LRPPRC: variants seen among roughly 807,000 people sequenced by gnomAD.
LRPPRC encodes leucine rich pentatricopeptide repeat containing.
LRPPRC carries 120 observed loss-of-function variants against 180.3 expected under a neutral mutation model. That is an observed-to-expected ratio of 0.67 (90% CI 0.57 to 0.77). The LOEUF (loss-of-function observed/expected upper bound fraction) is 0.77. Ranked by LOEUF, LRPPRC falls within the 30% of genes least tolerant of loss-of-function variation. The pLI is 0.00. For synonymous variants in LRPPRC, 723 were observed against 600.0 expected (o/e 1.21, Z -3.00); for missense variants, 2,012 against 1,657.2 (o/e 1.21, Z -3.72).
In LRPPRC at chr2:43,886,864, G is replaced by C. The variant is rs528164545; in HGVS notation, c.*1736C>G. 6.6e-6 allele frequency: 1 copy of C among 152,342 alleles called. No individual in the cohort carries two copies. The highest frequency in any genetic ancestry group is 1.9e-4 in the East Asian group (1 of 5,188). 9.4% of individuals were successfully genotyped at this position (152,342 alleles called of 1,614,324 possible). ...AAGACAGGAGTGAGGCTCTTGGCCA[G>C]GCGTGGTGGCTCACACCTGTAATCC... On this transcript the variant is annotated 3_prime_UTR_variant, in exon 38 of 38. Coordinates refer to ENST00000260665, the MANE Select transcript of LRPPRC (RefSeq NM_133259.4).
At chr2:43,948,240 A>G in intron 17 of LRPPRC, 41 bp from the exon 18 acceptor site, 1 of 1,133,806 alleles carries the variant, frequency 8.8e-7, no homozygotes, top group Non-Finnish European at 1.3e-6. Flanking sequence ...CCTGAGTTTT[A>G]GACAACCAAA....
intron 1 of LRPPRC, among the ~76,000 whole-genome samples, chr2:43,989,201 CCTCT>C (rs1674664903): frequency 6.6e-6 from 1 of 152,176 alleles, no homozygotes; most frequent in South Asian, 2.1e-4. Flanking sequence ...GAACTTTCTC[CCTCT>C]AAGAACTGAA....
chr2:43,956,303 A>T (rs1160503755), intron 14 of LRPPRC, among the ~76,000 whole-genome samples: 1 of 152,222 alleles, frequency 6.6e-6, no homozygotes, highest in Non-Finnish European at 1.5e-5. Context: ...TTAAAGTGGG[A>T]AAATCTGAAC....
intron 13 of LRPPRC, among the ~76,000 whole-genome samples, chr2:43,957,929 A>C (rs1265698312): frequency 6.6e-6 from 1 of 152,232 alleles, no homozygotes; most frequent in Non-Finnish European, 1.5e-5. Flanking sequence ...ACTATGATCA[A>C]TGACCTGCAC....
At chr2:43,897,178 C>T (rs1254540010) in intron 34 of LRPPRC, among the ~76,000 whole-genome samples, 5 of 152,134 alleles carry the variant, frequency 3.3e-5, no homozygotes, top group African/African-American at 9.7e-5. Flanking sequence ...TAATTACCTA[C>T]ACTTATGCAT....
At chr2:43,900,148 A>G (rs1048754684) in intron 32 of LRPPRC, among the ~76,000 whole-genome samples, 8 of 152,130 alleles carry the variant, frequency 5.3e-5, no homozygotes, top group African/African-American at 1.7e-4. Context: ...TTTGTCAGGT[A>G]TTATACATTT....
chr2:43,979,083 T>C (rs1012500940), intron 3 of LRPPRC, among the ~76,000 whole-genome samples: 1 of 152,138 alleles, frequency 6.6e-6, no homozygotes, highest in East Asian at 1.9e-4. Flanking sequence ...AAATCAGGAA[T>C]GAACATTAAA....
intron 1 of LRPPRC, among the ~76,000 whole-genome samples, chr2:43,993,728 T>A (rs1316828387): frequency 8.2e-6 from 1 of 122,218 alleles, no homozygotes; most frequent in Non-Finnish European, 1.8e-5. Flanking sequence ...ATAGCTTACC[T>A]TCTACTAAAG....
chr2:43,934,808 G>A lies in LRPPRC; in HGVS notation c.2575C>T (p.His859Tyr), dbSNP rs1173243443. ...YEKYKVLPRI[H>Y]DVLCKLVEKG... ...TCTACCAGTTTACACAAGACATCAT[G>A]AATCCTTGGTAATACTTTATACTTT... The change falls in exon 24 of 38, where the codon CAT becomes TAT. Residue 859 changes from histidine to tyrosine, a missense_variant. Coordinates refer to ENST00000260665, the MANE Select transcript of LRPPRC (RefSeq NM_133259.4). 1 of 1,610,458 alleles carries A rather than the reference G, an allele frequency of 6.2e-7. No individual in the cohort carries two copies. Among genetic ancestry groups the A allele is most frequent in the Non-Finnish European group, 8.5e-7 (1 of 1,176,778 alleles).
chr2:43,936,380 T>C (rs1319907539), intron 23 of LRPPRC, among the ~76,000 whole-genome samples: 1 of 152,078 alleles, frequency 6.6e-6, no homozygotes, highest in Non-Finnish European at 1.5e-5. Flanking sequence ...GAAAAGAGAG[T>C]ATGAAAGGTA....
chr2:43,963,369 A>G, intron 12 of LRPPRC: 1 of 609,130 alleles, frequency 1.6e-6, no homozygotes, highest in Non-Finnish European at 2.9e-6. Context: ...GCTTGAACCC[A>G]GGAGGCAAAG....
chr2:43,921,197 C>T (rs924270725), intron 27 of LRPPRC, among the ~76,000 whole-genome samples: 4 of 152,138 alleles, frequency 2.6e-5, no homozygotes, highest in South Asian at 4.1e-4. Context: ...GTGGCTGAGG[C>T]AGGAGAATCG....
intron 11 of LRPPRC, among the ~76,000 whole-genome samples, chr2:43,968,613 C>G (rs1308501320): frequency 6.6e-6 from 1 of 152,186 alleles, no homozygotes; most frequent in Non-Finnish European, 1.5e-5. Context: ...GTCAACTAAT[C>G]AAGTGAAATA....
chr2:43,978,617 A>G (rs1674163947), intron 3 of LRPPRC, among the ~76,000 whole-genome samples: 1 of 151,958 alleles, frequency 6.6e-6, no homozygotes, highest in Non-Finnish European at 1.5e-5. Flanking sequence ...TGCTCCTTTT[A>G]TACTTATAAA....
At chr2:43,974,043 T>G (rs1305234697) in intron 9 of LRPPRC, 107 bp downstream of exon 9, 3 of 1,262,304 alleles carry the variant, frequency 2.4e-6, no homozygotes, top group Admixed American at 1.7e-5. Context: ...ACAAGAACAT[T>G]GTTATGATGT....
At chr2:43,986,350 A>G (rs993745106) in intron 1 of LRPPRC, among the ~76,000 whole-genome samples, 1 of 152,028 alleles carries the variant, frequency 6.6e-6, no homozygotes, top group African/African-American at 2.4e-5. Flanking sequence ...GGCTGGTCTC[A>G]AACTCCTGAC....
intron 1 of LRPPRC, among the ~76,000 whole-genome samples, chr2:43,990,787 ACAGAG>A (rs1242655034): frequency 6.6e-6 from 1 of 151,366 alleles, no homozygotes; most frequent in Non-Finnish European, 1.5e-5. Flanking sequence ...ATCTACACTC[ACAGAG>A]CAGAGGCCGA....
At chr2:43,891,191 T>C (rs904801893) in intron 36 of LRPPRC, among the ~76,000 whole-genome samples, 1 of 152,250 alleles carries the variant, frequency 6.6e-6, no homozygotes, top group African/African-American at 2.4e-5. Flanking sequence ...CTCTATCTTC[T>C]AGGAAGCTGC....
intron 11 of LRPPRC, among the ~76,000 whole-genome samples, chr2:43,970,768 G>T (rs578107539): frequency 6.6e-6 from 1 of 152,098 alleles, no homozygotes; most frequent in Non-Finnish European, 1.5e-5. Context: ...CTCTAGCCAC[G>T]GCACTCACTT....
Sources: gnomAD v4.1 joint callset for allele counts (sites outside exome capture counted in the v4.1 genomes callset) on GRCh38, gnomAD v4.1.1 for gene constraint, MANE v1.5 for transcripts, NCBI Gene and HGNC (gene_info 2026-07-23, HGNC 2026-07-21) for gene names.